Variants in TMEM132C observed in about 807,000 individuals in gnomAD.
TMEM132C encodes transmembrane protein 132C, also known as protein phosphatase 1, regulatory subunit 152.
In TMEM132C, 29 loss-of-function variants were observed where a neutral mutation model predicts 61.4. That is an observed-to-expected ratio of 0.47 (90% CI 0.35 to 0.64). The LOEUF is 0.64. Ranked by LOEUF, TMEM132C falls within the 30% of genes least tolerant of loss-of-function variation. TMEM132C has a pLI of 0.00. For missense variants in TMEM132C, 1,408 were observed against 1,476.9 expected, an observed-to-expected ratio of 0.95 and a Z score of 0.76; for synonymous variants, 656 against 633.1, an observed-to-expected ratio of 1.04 and a Z score of -0.54.
chr12:128,648,797 G>A (rs1412318163), intron 4 of TMEM132C, among the ~76,000 whole-genome samples: 1 of 151,916 alleles, frequency 6.6e-6, no homozygotes, highest in Admixed American at 6.6e-5. Flanking sequence ...CGTTGGATGA[G>A]TGTGTTTACT....
intron 3 of TMEM132C, among the ~76,000 whole-genome samples, chr12:128,584,299 A>C (rs530966418): frequency 1.3e-5 from 2 of 152,192 alleles, no homozygotes; most frequent in East Asian, 3.9e-4. Context: ...AGTTCTATGC[A>C]TGAAAGTTGC....
intron 2 of TMEM132C, among the ~76,000 whole-genome samples, chr12:128,508,433 G>A (rs1242478353): frequency 2.6e-5 from 4 of 152,174 alleles, no homozygotes; most frequent in South Asian, 2.1e-4. Flanking sequence ...TACGGCCCTC[G>A]AGATGAGGAG....
At chr12:128,590,711 A>G (rs1280407058) in intron 3 of TMEM132C, among the ~76,000 whole-genome samples, 3 of 152,208 alleles carry the variant, frequency 2.0e-5, no homozygotes, top group African/African-American at 7.2e-5. Context: ...CAAGGGGTGT[A>G]GACATGCTGG....
chr12:128,650,786 G>C lies in TMEM132C; in HGVS notation c.1306-18631G>C, dbSNP rs567656856. Among the ~76,000 whole-genome samples, 13 of 152,224 alleles carry C rather than the reference G, an allele frequency of 8.5e-5. No individual in the cohort carries two copies. In the South Asian group the frequency reaches 1.5e-3, roughly 17 times the overall value. ...CATCAGGAGATTAGGGAGTCATCAT[G>C]GTCACTCATAGGGCACCTGAGAAAT... On this transcript the variant is annotated intron_variant, in intron 4 of 8. Transcript: ENST00000435159.
chr12:128,519,794 G>A (rs1872838350), intron 2 of TMEM132C, among the ~76,000 whole-genome samples: 2 of 152,218 alleles, frequency 1.3e-5, no homozygotes, highest in South Asian at 4.1e-4. Flanking sequence ...GGGGTTGGCA[G>A]TTAGTGAGAC....
At chr12:128,526,759 G>A (rs892723575) in intron 2 of TMEM132C, among the ~76,000 whole-genome samples, 11 of 152,162 alleles carry the variant, frequency 7.2e-5, no homozygotes, top group Admixed American at 2.0e-4. Flanking sequence ...GACACCAGCC[G>A]TGCAGATACC....
At chr12:128,321,641 A>G (rs1489391696) in intron 1 of TMEM132C, among the ~76,000 whole-genome samples, 3 of 152,322 alleles carry the variant, frequency 2.0e-5, no homozygotes, top group African/African-American at 7.2e-5. Flanking sequence ...TACATGTGCA[A>G]GTAAAACTGT....
intron 2 of TMEM132C, among the ~76,000 whole-genome samples, chr12:128,436,070 TG>T (rs1869578567): frequency 6.6e-6 from 1 of 152,136 alleles, no homozygotes; most frequent in African/African-American, 2.4e-5. Flanking sequence ...ATTTAATAAA[TG>T]GTGCTGGGAA....
At chr12:128,482,271 C>G (rs760631160) in intron 2 of TMEM132C, among the ~76,000 whole-genome samples, 1 of 152,108 alleles carries the variant, frequency 6.6e-6, no homozygotes, top group Non-Finnish European at 1.5e-5. Flanking sequence ...ATAAGCTTTT[C>G]GATGTGCTCA....
intron 5 of TMEM132C, among the ~76,000 whole-genome samples, chr12:128,672,634 G>A (rs1954543791): frequency 6.6e-6 from 1 of 152,224 alleles, no homozygotes; most frequent in South Asian, 2.1e-4. Context: ...GAAACTGGGT[G>A]AGGACATCAG....
intron 2 of TMEM132C, among the ~76,000 whole-genome samples, chr12:128,481,403 C>G (rs1236366144): frequency 2.0e-5 from 3 of 152,136 alleles, no homozygotes; most frequent in African/African-American, 7.2e-5. Flanking sequence ...GCTTTGGGGC[C>G]ACGGCTCTTC....
At position 128,640,502 on chromosome 12, in the gene TMEM132C, G is replaced by A. The variant is rs116089713; in HGVS notation, c.1305+24167G>A. Among the ~76,000 whole-genome samples the A allele has an allele frequency of 8.7e-3, 1,321 of 152,288 alleles. 17 individuals are homozygous for A. The highest frequency in any genetic ancestry group is 0.031 in the African/African-American group (1,273 of 41,570). ...ACTGGGGGCAACTCACAACTAAAGT[G>A]TGCAGAGTTTCTTTTGGGGGTGATG... On this transcript the variant is annotated intron_variant, in intron 4 of 8. Transcript: ENST00000435159.
chr12:128,659,087 G>T (rs1954358409), intron 4 of TMEM132C, among the ~76,000 whole-genome samples: 1 of 152,202 alleles, frequency 6.6e-6, no homozygotes, highest in African/African-American at 2.4e-5. Flanking sequence ...CTTGTTCAGG[G>T]ATCAGCAAAG....
intron 4 of TMEM132C, among the ~76,000 whole-genome samples, chr12:128,668,611 C>T (rs73430704): frequency 0.026 from 3,909 of 152,232 alleles, 180 homozygotes; most frequent in African/African-American, 0.089. Flanking sequence ...GTGTTAGTTT[C>T]CTGATGCTGC....
chr12:128,475,563 A>G (rs919488754), intron 2 of TMEM132C, among the ~76,000 whole-genome samples: 6 of 151,836 alleles, frequency 4.0e-5, no homozygotes, highest in African/African-American at 1.5e-4. Context: ...TGTGAATTAT[A>G]TCTCAATAAA....
chr12:128,613,301 TA>T (rs1436228639), intron 3 of TMEM132C, among the ~76,000 whole-genome samples: 1 of 152,160 alleles, frequency 6.6e-6, no homozygotes, highest in African/African-American at 2.4e-5. Flanking sequence ...TGCAACTCCC[TA>T]GAATGCAAGA....
At chr12:128,461,528 GT>G (rs1324238044) in intron 2 of TMEM132C, among the ~76,000 whole-genome samples, 3 of 151,798 alleles carry the variant, frequency 2.0e-5, no homozygotes, top group Non-Finnish European at 4.4e-5. Context: ...GGGAAGCAAA[GT>G]TTTTATTGTT....
At chr12:128,563,925 C>T (rs1394158543) in intron 3 of TMEM132C, among the ~76,000 whole-genome samples, 1 of 152,168 alleles carries the variant, frequency 6.6e-6, no homozygotes, top group Non-Finnish European at 1.5e-5. Context: ...TGACCTTGAG[C>T]AATAGGATGT....
chr12:128,635,652 A>G (rs544545860), intron 4 of TMEM132C, among the ~76,000 whole-genome samples: 2 of 152,260 alleles, frequency 1.3e-5, no homozygotes, highest in South Asian at 4.2e-4. Context: ...ACAGATCTCC[A>G]TTGTCTAAAA....
Sources: gnomAD v4.1 joint callset for allele counts (sites outside exome capture counted in the v4.1 genomes callset) on GRCh38, gnomAD v4.1.1 for gene constraint, MANE v1.5 for transcripts, NCBI Gene and HGNC (gene_info 2026-07-23, HGNC 2026-07-21) for gene names.